ATXN1: variants seen among roughly 807,000 people sequenced by gnomAD.
The protein encoded by ATXN1 is ataxin 1.
ATXN1 carries 8 observed loss-of-function variants against 56.4 expected under a neutral mutation model. The ratio of observed to expected loss-of-function variants is 0.14; its 90% CI spans 0.08 to 0.26. The LOEUF (loss-of-function observed/expected upper bound fraction) is 0.26. ATXN1 is among the 10% of genes least tolerant of loss of function. ATXN1 has a pLI of 1.00. For synonymous variants in ATXN1, 514 were observed against 494.6 expected, an observed-to-expected ratio of 1.04 and a Z score of -0.52; for missense variants, 987 against 1,106.5, an observed-to-expected ratio of 0.89 and a Z score of 1.53.
chr6:16,619,568 G>C (rs1763280860), intron 3 of ATXN1, among the ~76,000 whole-genome samples: 2 of 152,094 alleles, frequency 1.3e-5, no homozygotes, highest in Admixed American at 6.5e-5. Context: ...CATGATCCCA[G>C]TTAAAAAATC....
At chr6:16,468,514 G>T (rs904940632) in intron 6 of ATXN1, among the ~76,000 whole-genome samples, 43 of 152,128 alleles carry the variant, frequency 2.8e-4, no homozygotes, top group African/African-American at 9.7e-4. Flanking sequence ...CTTATAAAGG[G>T]AAGTACCATC....
intron 2 of ATXN1, among the ~76,000 whole-genome samples, chr6:16,731,454 C>CTTTTTCTTTTTTT (rs1759978202): frequency 1.2e-5 from 1 of 81,756 alleles, no homozygotes; most frequent in South Asian, 5.5e-4. Context: ...TTTTTCTTTT[C>CTTTTTCTTTTTTT]TTTTTTTTTT....
At position 16,761,435 on chromosome 6, in the gene ATXN1, T is replaced by C. The variant is rs1185795708; in HGVS notation, c.-867A>G. 1 of 456,712 alleles carries C rather than the reference T, an allele frequency of 2.2e-6. No homozygotes were observed. The highest frequency in any genetic ancestry group is 2.4e-5 in the Admixed American group (1 of 42,534). The allele number at this position is 456,712 out of a possible 1,614,324, so 28.3% of individuals were successfully genotyped here. A position where few individuals can be genotyped will look rare whatever the true frequency, so the allele number is the denominator to read the frequency against. ...TCCCCCTGCAGTGAAACAGGTCCTG[T>C]ACGGCTCCGCCACTGTAGTAGAAAT... On this transcript the variant is annotated 5_prime_UTR_variant, in exon 1 of 8. Transcript: ENST00000436367.
At chr6:16,662,760 C>T (rs1241452396) in intron 2 of ATXN1, among the ~76,000 whole-genome samples, 1 of 152,178 alleles carries the variant, frequency 6.6e-6, no homozygotes, top group Non-Finnish European at 1.5e-5. Context: ...GTTTGAAGAG[C>T]AACCTCAGTA....
chr6:16,652,492 A>G (rs907525601), intron 3 of ATXN1, among the ~76,000 whole-genome samples: 4 of 152,322 alleles, frequency 2.6e-5, no homozygotes, highest in African/African-American at 7.2e-5. Flanking sequence ...ATGGACCACT[A>G]AAGACCTCCA....
At chr6:16,390,638 G>A (rs1253307556) in intron 6 of ATXN1, among the ~76,000 whole-genome samples, 1 of 149,424 alleles carries the variant, frequency 6.7e-6, no homozygotes, top group Non-Finnish European at 1.5e-5. Context: ...ATCCATTTAC[G>A]AAAAACAAGA....
rs1759926295 is a variant in ATXN1 at position 16,729,738 on chromosome 6, G to A, written c.-615+23495C>T. Among the ~76,000 whole-genome samples, 3 of 152,224 alleles carry A rather than the reference G, an allele frequency of 2.0e-5. No individual in the cohort carries two copies. The South Asian group carries it at 6.2e-4, about 32-fold the overall frequency. On this transcript the variant is annotated intron_variant, in intron 2 of 7. Coordinates refer to ENST00000436367, the MANE Select transcript of ATXN1 (RefSeq NM_001128164.2). The stretch of plus-strand genomic sequence containing the variant: ...TGCTTTGGGTGCCACTAACTAAAAG[G>A]TCCCTCTTTTTAATTATCTATTGCA...
intron 4 of ATXN1, among the ~76,000 whole-genome samples, chr6:16,574,276 G>A (rs938986666): frequency 2.6e-5 from 4 of 152,234 alleles, no homozygotes; most frequent in Non-Finnish European, 4.4e-5. Flanking sequence ...CGCGATCTCG[G>A]CTCACTGCAA....
chr6:16,681,265 A>G (rs1324212391), intron 2 of ATXN1, among the ~76,000 whole-genome samples: 2 of 152,356 alleles, frequency 1.3e-5, no homozygotes, highest in South Asian at 2.1e-4. Context: ...GAAGTAAACC[A>G]GGCAGGTCCG....
chr6:16,672,330 G>GA (rs891373603), intron 2 of ATXN1, among the ~76,000 whole-genome samples: 24 of 150,556 alleles, frequency 1.6e-4, no homozygotes, highest in South Asian at 4.2e-4. Context: ...TATACCACAG[G>GA]AAAAAAAAAG....
intron 2 of ATXN1, among the ~76,000 whole-genome samples, chr6:16,692,635 G>T (rs1460252742): frequency 6.9e-6 from 1 of 144,272 alleles, no homozygotes; most frequent in East Asian, 2.1e-4. Context: ...ATAAGAAGAA[G>T]ACCACTACCG....
At chr6:16,702,687 A>T (rs1457100819) in intron 2 of ATXN1, among the ~76,000 whole-genome samples, 1 of 152,254 alleles carries the variant, frequency 6.6e-6, no homozygotes, top group Non-Finnish European at 1.5e-5. Flanking sequence ...ATATGAATAG[A>T]CACTTCTCAA....
At position 16,377,173 on chromosome 6, in the gene ATXN1, C is replaced by T. The variant is rs2113499743; in HGVS notation, c.-160-48703G>A. 3.9e-5 allele frequency among the ~76,000 whole-genome samples: 6 copies of T among 152,336 alleles called. 2 individuals are homozygous for T. The Middle Eastern group carries it at 0.02, about 518-fold the overall frequency. On this transcript the variant is annotated intron_variant, in intron 6 of 7. Coordinates refer to ENST00000436367, the MANE Select transcript of ATXN1 (RefSeq NM_001128164.2). ...CCTCACCAAATCCTGAAGCTGCTGGCACCTTGATCTTGGACTTCCCAGCCA... is the reference window on the plus strand; with the variant it reads ...CCTCACCAAATCCTGAAGCTGCTGGTACCTTGATCTTGGACTTCCCAGCCA...
chr6:16,299,768 C>A lies in ATXN1; in HGVS notation c.*6561G>T, dbSNP rs1008312925. ...AATACTGACAGGACTATCTTGAAAC[C>A]TCCTTTCGGCTGACACTAATTTGGG... On this transcript the variant is annotated 3_prime_UTR_variant, in exon 8 of 8. Coordinates refer to ENST00000436367, the MANE Select transcript of ATXN1 (RefSeq NM_001128164.2). The A allele has an allele frequency of 1.3e-5, 2 of 152,650 alleles. No individual in the cohort carries two copies. The highest frequency in any genetic ancestry group is 2.9e-5 in the Non-Finnish European group (2 of 68,052). The allele number at this position is 152,650 out of a possible 1,614,324, so 9.5% of individuals were successfully genotyped here.
intron 6 of ATXN1, among the ~76,000 whole-genome samples, chr6:16,477,185 C>T (rs1173476902): frequency 2.0e-5 from 3 of 152,196 alleles, no homozygotes; most frequent in Non-Finnish European, 4.4e-5. Flanking sequence ...GCCACACAGA[C>T]GAAGCACTCT....
At chr6:16,474,965 A>G (rs1230023090) in intron 6 of ATXN1, among the ~76,000 whole-genome samples, 5 of 152,198 alleles carry the variant, frequency 3.3e-5, no homozygotes, top group Admixed American at 3.3e-4. Flanking sequence ...GAATTAGACT[A>G]GACTGTTTTT....
Position 16,399,859 on chromosome 6 carries a change from G to C in ATXN1, c.-160-71389C>G, listed in dbSNP as rs3819400. Among the ~76,000 whole-genome samples the C allele has an allele frequency of 2.3e-3, 349 of 152,054 alleles. 1 individual carries two copies. Among genetic ancestry groups the C allele is most frequent in the Non-Finnish European group, 4.2e-3 (287 of 67,986 alleles). ...GCTGTTGAGATTCCCTGCTCTAAAG[G>C]GAAGCAGAAAAGATCAGCTGCAGCC... On this transcript the variant is annotated intron_variant, in intron 6 of 7. Transcript: ENST00000436367.
intron 7 of ATXN1, among the ~76,000 whole-genome samples, chr6:16,321,518 G>A (rs1760651630): frequency 6.6e-6 from 1 of 152,228 alleles, no homozygotes; most frequent in Non-Finnish European, 1.5e-5. Flanking sequence ...ACCTAGGTGG[G>A]GGCCTGGGGG....
intron 6 of ATXN1, among the ~76,000 whole-genome samples, chr6:16,399,006 A>G (rs1341568511): frequency 6.6e-6 from 1 of 152,222 alleles, no homozygotes; most frequent in Non-Finnish European, 1.5e-5. Flanking sequence ...TCCATTAAAC[A>G]TGCCTCCGTC....
Sources: allele counts gnomAD v4.1 joint callset (sites outside exome capture counted in the v4.1 genomes callset), GRCh38; gene constraint gnomAD v4.1.1; transcripts MANE v1.5; gene names NCBI Gene and HGNC (gene_info 2026-07-23, HGNC 2026-07-21).